The following P2RY14 variants were observed in gnomAD, a reference collection of about 807,000 sequenced individuals.
P2RY14 encodes purinergic receptor P2Y14.
In P2RY14, 2 loss-of-function variants were observed where a neutral mutation model predicts 0.9. The ratio of observed to expected loss-of-function variants is 2.16; its 90% confidence interval spans 0.88 to 6.79. The LOEUF (loss-of-function observed/expected upper bound fraction) is 6.79. Ranked by LOEUF, P2RY14 falls within the 30% of genes most tolerant of loss-of-function variation. The probability of loss-of-function intolerance (pLI) is 0.05; values close to 1 mark genes in which losing one functional copy is unlikely to be tolerated. For missense variants in P2RY14, 378 were observed against 400.1 expected, an observed-to-expected ratio of 0.94 and a Z score of 0.47; for synonymous variants, 158 against 147.2, an observed-to-expected ratio of 1.07 and a Z score of -0.53.
intron 1 of P2RY14, among the ~76,000 whole-genome samples, chr3:151,257,128 TGTTAA>T (rs1737965568): frequency 6.6e-6 from 1 of 152,216 alleles, no homozygotes; most frequent in Non-Finnish European, 1.5e-5. Context: ...ATTTTTGAGC[TGTTAA>T]GTTTTCTAGA....
intron 1 of P2RY14, among the ~76,000 whole-genome samples, chr3:151,257,992 G>T (rs1248721393): frequency 3.3e-5 from 5 of 151,956 alleles, no homozygotes; most frequent in Non-Finnish European, 7.4e-5. Context: ...AATTTGTTTT[G>T]GCCACAAGTT....
At chr3:151,238,137 T>TTTCTTC (rs1553753437) in intron 1 of P2RY14, among the ~76,000 whole-genome samples, 1 of 149,500 alleles carries the variant, frequency 6.7e-6, no homozygotes, top group Non-Finnish European at 1.5e-5. Flanking sequence ...ACATTTTTTC[T>TTTCTTC]TTTTTCTTTT....
chr3:151,237,793 C>G (rs1373941172), intron 1 of P2RY14, among the ~76,000 whole-genome samples: 3 of 152,256 alleles, frequency 2.0e-5, no homozygotes, highest in East Asian at 3.9e-4. Context: ...ATATTGTAGT[C>G]TTCATTTGTA....
intron 1 of P2RY14, among the ~76,000 whole-genome samples, chr3:151,231,858 G>A (rs1045500956): frequency 3.9e-5 from 6 of 152,264 alleles, no homozygotes; most frequent in African/African-American, 1.2e-4. Context: ...TAGAAGGGAA[G>A]GGTCATGATT....
Position 151,252,776 on chromosome 3 carries a change from T to C in P2RY14, c.-133+25511A>G, listed in dbSNP as rs949517248. ...TGTTCATATGTAATCTACTAACTTA[T>C]CTACTAACTAGATAAGTTCTAGAAC... is the stretch of plus-strand genomic sequence containing the variant. On this transcript the variant is annotated intron_variant, in intron 1 of 2. Transcript: ENST00000309170. 5.3e-5 allele frequency among the ~76,000 whole-genome samples: 8 copies of C among 152,288 alleles called. No homozygotes were observed. In the South Asian group the frequency reaches 6.2e-4, roughly 12 times the overall value.
intron 1 of P2RY14, among the ~76,000 whole-genome samples, chr3:151,227,599 T>C (rs1730795562): frequency 6.6e-6 from 1 of 152,182 alleles, no homozygotes; most frequent in African/African-American, 2.4e-5. Context: ...AAATGGATCA[T>C]GGGAGCTGTC....
intron 2 of P2RY14, among the ~76,000 whole-genome samples, chr3:151,218,550 C>T (rs1055653200): frequency 3.0e-4 from 45 of 152,074 alleles, no homozygotes; most frequent in Non-Finnish European, 6.2e-4. Context: ...AAGAAAGATT[C>T]ATATATATAG....
At position 151,268,011 on chromosome 3, in the gene P2RY14, T is replaced by A. The variant is rs547103830; in HGVS notation, c.-133+10276A>T. ...ATGGACAAGGGTAATTTTTGCTCTT[T>A]TTAGTCTTATGCGTTCTTAGTAAAG... On this transcript the variant is annotated intron_variant, in intron 1 of 2. Coordinates refer to ENST00000309170, the MANE Select transcript of P2RY14 (RefSeq NM_014879.4). Among the ~76,000 whole-genome samples, 21 of 152,314 alleles carry A rather than the reference T, an allele frequency of 1.4e-4. No individual in the cohort carries two copies. In the South Asian group the frequency reaches 4.4e-3, roughly 32 times the overall value.
chr3:151,236,776 A>G (rs1184513997), intron 1 of P2RY14, among the ~76,000 whole-genome samples: 1 of 152,190 alleles, frequency 6.6e-6, no homozygotes, highest in Non-Finnish European at 1.5e-5. Context: ...GATTTCATAT[A>G]TATCGTACAC....
intron 1 of P2RY14, among the ~76,000 whole-genome samples, chr3:151,244,471 A>AACC (rs1358170811): frequency 1.4e-5 from 2 of 146,272 alleles, no homozygotes; most frequent in African/African-American, 5.0e-5. Flanking sequence ...TCTCACTCAA[A>AACC]ACCACTCAAC....
At chr3:151,216,522 C>T (rs187447167) in intron 2 of P2RY14, among the ~76,000 whole-genome samples, 19 of 152,322 alleles carry the variant, frequency 1.2e-4, no homozygotes, top group Non-Finnish European at 2.6e-4. Flanking sequence ...TGCGTATTTT[C>T]CTTTCCCATA....
At chr3:151,249,524 A>C (rs1425864253) in intron 1 of P2RY14, among the ~76,000 whole-genome samples, 1 of 152,064 alleles carries the variant, frequency 6.6e-6, no homozygotes, top group East Asian at 1.9e-4. Context: ...GAGATATTGA[A>C]AGGACCCCAA....
chr3:151,277,050 C>T (rs1475535785), intron 1 of P2RY14, among the ~76,000 whole-genome samples: 2 of 152,092 alleles, frequency 1.3e-5, no homozygotes, highest in African/African-American at 4.8e-5. Context: ...GCATGCACCA[C>T]TACCACCCAG....
intron 1 of P2RY14, among the ~76,000 whole-genome samples, chr3:151,242,139 G>C (rs937205303): frequency 6.6e-6 from 1 of 152,132 alleles, no homozygotes; most frequent in Non-Finnish European, 1.5e-5. Flanking sequence ...ATGGAGTCTC[G>C]CTGATTGCTA....
In P2RY14 at chr3:151,213,854, G is replaced by A. The variant is rs1332649266; in HGVS notation, c.463C>T (p.Pro155Ser). The change falls in exon 3 of 3, where the codon CCA becomes TCA. Residue 155 changes from proline (P) to serine (S), a missense_variant. Physicochemically the swap from Pro to Ser is moderately conservative, Grantham distance 74. Transcript: ENST00000309170. ...VWMLMLLLAVPNIILTNQSVR... is the reference protein window; with the variant it reads ...VWMLMLLLAVSNIILTNQSVR... Reference sequence around the variant, plus strand: ...CTCTGGTTGGTGAGAATAATATTTGGAACAGCAAGGAGGAGCATGAGCATC... The same window carrying A: ...CTCTGGTTGGTGAGAATAATATTTGAAACAGCAAGGAGGAGCATGAGCATC... The A allele has an allele frequency of 1.2e-6, 2 of 1,613,880 alleles. No homozygotes were observed. Among genetic ancestry groups the A allele is most frequent in the Non-Finnish European group, 1.7e-6 (2 of 1,179,954 alleles).
At chr3:151,246,870 A>G (rs1261371330) in intron 1 of P2RY14, among the ~76,000 whole-genome samples, 1 of 152,356 alleles carries the variant, frequency 6.6e-6, no homozygotes, top group Non-Finnish European at 1.5e-5. Flanking sequence ...CAACCTACTC[A>G]TCTGACAAAG....
chr3:151,273,843 A>G (rs993658140), intron 1 of P2RY14, among the ~76,000 whole-genome samples: 2 of 152,218 alleles, frequency 1.3e-5, no homozygotes, highest in Admixed American at 6.5e-5. Flanking sequence ...TTGGTGATGC[A>G]GACTGTTGTT....
chr3:151,240,982 G>A (rs1733955935), intron 1 of P2RY14, among the ~76,000 whole-genome samples: 1 of 152,178 alleles, frequency 6.6e-6, no homozygotes, highest in Non-Finnish European at 1.5e-5. Flanking sequence ...AGAATAGAAG[G>A]CCTTTTCCAG....
At chr3:151,247,572 TG>T (rs1735862770) in intron 1 of P2RY14, among the ~76,000 whole-genome samples, 1 of 128,720 alleles carries the variant, frequency 7.8e-6, no homozygotes, top group Non-Finnish European at 1.6e-5. Context: ...TGAGATCACA[TG>T]GACACAGGAA....
Sources: gnomAD v4.1 joint callset for allele counts (sites outside exome capture counted in the v4.1 genomes callset) on GRCh38, gnomAD v4.1.1 for gene constraint, MANE v1.5 for transcripts, NCBI Gene and HGNC (gene_info 2026-07-23, HGNC 2026-07-21) for gene names.